NCR3LG1: variants seen among roughly 807,000 people sequenced by gnomAD.
The protein encoded by NCR3LG1 is natural cytotoxicity triggering receptor 3 ligand 1.
In NCR3LG1, 35 loss-of-function variants were observed where a neutral mutation model predicts 34.8. The ratio of observed to expected loss-of-function variants is 1.01; its 90% CI spans 0.77 to 1.33. The LOEUF (loss-of-function observed/expected upper bound fraction) is 1.33. NCR3LG1 is among the 40% of genes most tolerant of loss of function. The pLI, the probability that NCR3LG1 is intolerant of heterozygous loss-of-function variation, is 0.00. For synonymous variants in NCR3LG1, 173 were observed against 163.6 expected (o/e 1.06, Z -0.44); for missense variants, 452 against 423.3 (o/e 1.07, Z -0.60).
Position 17,368,941 on chromosome 11 carries a change from A to T in NCR3LG1, c.835A>T (p.Ile279Phe), listed in dbSNP as rs935169816. The change falls in exon 4 of 5, where the codon ATT becomes TTT. Residue 279 changes from isoleucine to phenylalanine, a missense_variant. Ile to Phe is a conservative substitution (Grantham distance 21). Transcript: ENST00000338965. ...SFIGVGLVLL[I>F]VLIPWKKICN... is the part of the protein sequence containing the mutation. ...CATTGGTGTTGGACTGGTTTTATTA[A>T]TTGTTTTGATTCCTTGGAAAAAGGT... The T allele has an allele frequency of 5.0e-5, 77 of 1,533,252 alleles. No individual in the cohort carries two copies. Among genetic ancestry groups the T allele is most frequent in the Non-Finnish European group, 6.6e-5 (76 of 1,144,726 alleles). The allele number at this position is 1,533,252 out of a possible 1,614,324, so 95.0% of individuals were successfully genotyped here.
At chr11:17,363,521 TCCC>T (rs1285559622) in intron 2 of NCR3LG1, among the ~76,000 whole-genome samples, 2 of 45,544 alleles carry the variant, frequency 4.4e-5, no homozygotes, top group Non-Finnish European at 3.7e-5. Flanking sequence ...CCTCCCTCCC[TCCC>T]TCCCTCCCTC....
intron 3 of NCR3LG1, among the ~76,000 whole-genome samples, chr11:17,368,404 A>G (rs966279868): frequency 7.9e-5 from 12 of 152,076 alleles, no homozygotes; most frequent in Non-Finnish European, 1.5e-4. Flanking sequence ...GCAATGCCAT[A>G]TGGGGCCCAG....
Position 17,367,469 on chromosome 11 carries a change from G to T in NCR3LG1, c.760+122G>T, listed in dbSNP as rs11024270. The T allele has an allele frequency of 2.1e-3, 1,767 of 858,280 alleles. 21 individuals are homozygous for T. In the African/African-American group the frequency reaches 0.027, roughly 13 times the overall value. The allele number at this position is 858,280 out of a possible 1,614,324, so 53.2% of individuals were successfully genotyped here. A position where few individuals can be genotyped will look rare whatever the true frequency, so the allele number is the denominator to read the frequency against. ...AGGGGAAACAGAGAAAGCTTGGACT[G>T]GAAGGACCAAGCTGGAGTCTGGCCT... On this transcript the variant is annotated intron_variant, in intron 3 of 4. Coordinates refer to ENST00000338965, the MANE Select transcript of NCR3LG1 (RefSeq NM_001202439.3).
In NCR3LG1 at chr11:17,372,454, C is replaced by T. The variant is rs759858609; in HGVS notation, c.1307C>T (p.Thr436Ile). Residue 436 changes from threonine to isoleucine, a missense_variant, in exon 5 of 5, where the codon ACA becomes ATA. Physicochemically the swap from Thr to Ile is moderately conservative, Grantham distance 89. Coordinates refer to ENST00000338965, the MANE Select transcript of NCR3LG1 (RefSeq NM_001202439.3). The part of the protein sequence containing the change: ...SPIWEPPPAT[T>I]STTPVLSSQP... The stretch of plus-strand genomic sequence containing the variant: ...ATCTGGGAACCTCCTCCAGCCACAA[C>T]ATCAACAACTCCAGTTCTATCCTCC... 1 of 703,432 alleles carries T rather than the reference C, an allele frequency of 1.4e-6. No individual in the cohort carries two copies. Among genetic ancestry groups the T allele is most frequent in the South Asian group, 1.5e-5 (1 of 67,582 alleles). 43.6% of individuals were successfully genotyped at this position (703,432 alleles called of 1,614,324 possible).
In NCR3LG1 at chr11:17,376,206, C is replaced by A. The variant is rs994261983; in HGVS notation, c.*3694C>A. On this transcript the variant is annotated 3_prime_UTR_variant, in exon 5 of 5. Coordinates refer to ENST00000338965, the MANE Select transcript of NCR3LG1 (RefSeq NM_001202439.3). Reference sequence around the variant, plus strand: ...GCCCAAAATAAATGGCATTCAATGTCTTTTGGTGTGGGTGCATACCTTCAT... The same window carrying A: ...GCCCAAAATAAATGGCATTCAATGTATTTTGGTGTGGGTGCATACCTTCAT... 1 of 152,214 alleles carries A rather than the reference C, an allele frequency of 6.6e-6. No homozygotes were observed. Among genetic ancestry groups the A allele is most frequent in the African/African-American group, 2.4e-5 (1 of 41,462 alleles). 9.4% of individuals were successfully genotyped at this position (152,214 alleles called of 1,614,324 possible). A position where few individuals can be genotyped will look rare whatever the true frequency, so the allele number is the denominator to read the frequency against.
At position 17,351,826 on chromosome 11, in the gene NCR3LG1, T is replaced by G; in HGVS notation, c.-144T>G. On this transcript the variant is annotated 5_prime_UTR_variant, in exon 1 of 5. Coordinates refer to ENST00000338965, the MANE Select transcript of NCR3LG1 (RefSeq NM_001202439.3). ...CAGTTGCCGAAGGGATCTGAAGAAG[T>G]GGGATGTGCAAAAGCGCCGGCTGGA... The G allele has an allele frequency of 3.1e-6, 2 of 639,444 alleles. No individual in the cohort carries two copies. Among genetic ancestry groups the G allele is most frequent in the South Asian group, 3.5e-5 (2 of 57,916 alleles). 39.6% of individuals were successfully genotyped at this position (639,444 alleles called of 1,614,324 possible).
chr11:17,353,645 G>A (rs1953168140), intron 1 of NCR3LG1, among the ~76,000 whole-genome samples: 1 of 152,248 alleles, frequency 6.6e-6, no homozygotes, highest in African/African-American at 2.4e-5. Context: ...TGGTGGAGAA[G>A]GGCCGCGAGT....
intron 1 of NCR3LG1, 25 bp downstream of exon 1, chr11:17,352,064 G>A: frequency 1.4e-6 from 2 of 1,449,808 alleles, no homozygotes; most frequent in Non-Finnish European, 1.8e-6. Flanking sequence ...GGGTGGGCTG[G>A]GGCGGGGGCT....
rs1953449350 is a variant in NCR3LG1, at chr11:17,374,286, C to T, written c.*1774C>T. On this transcript the variant is annotated 3_prime_UTR_variant, in exon 5 of 5. Transcript: ENST00000338965. Reference sequence around the variant, plus strand: ...TTCTGTATACCTTTATACCCTGACTCCCAATACTTGTTTACCTTTGAAGAC... The same window carrying T: ...TTCTGTATACCTTTATACCCTGACTTCCAATACTTGTTTACCTTTGAAGAC... 1 of 152,192 alleles carries T rather than the reference C, an allele frequency of 6.6e-6. No homozygotes were observed. The highest frequency in any genetic ancestry group is 1.5e-5 in the Non-Finnish European group (1 of 68,042). 9.4% of individuals were successfully genotyped at this position (152,192 alleles called of 1,614,324 possible). A position where few individuals can be genotyped will look rare whatever the true frequency, so the allele number is the denominator to read the frequency against.
chr11:17,354,559 T>C (rs1430646544), intron 1 of NCR3LG1, among the ~76,000 whole-genome samples: 8 of 147,448 alleles, frequency 5.4e-5, no homozygotes, highest in Non-Finnish European at 9.0e-5. Flanking sequence ...TTTTTTTTTT[T>C]TTTTTTTTTT....
chr11:17,359,552 C>T (rs1953247770), intron 2 of NCR3LG1, among the ~76,000 whole-genome samples: 2 of 147,444 alleles, frequency 1.4e-5, no homozygotes, highest in Admixed American at 1.4e-4. Flanking sequence ...TGCTCTGTTG[C>T]CCAGGCCGGA....
At position 17,371,463 on chromosome 11, in the gene NCR3LG1, A is replaced by G. The variant is rs546690485; in HGVS notation, c.859-543A>G. ...CAGGAAGAAGCTACCCTGGGAAGACATATTTTAGCCTCAGTGTTATCCCCA... is the reference window on the plus strand; with the variant it reads ...CAGGAAGAAGCTACCCTGGGAAGACGTATTTTAGCCTCAGTGTTATCCCCA... On this transcript the variant is annotated intron_variant, in intron 4 of 4. Transcript: ENST00000338965. Among the ~76,000 whole-genome samples, 13 of 152,296 alleles carry G rather than the reference A, an allele frequency of 8.5e-5. No individual in the cohort carries two copies. The South Asian group carries it at 2.5e-3, about 29-fold the overall frequency.
intron 3 of NCR3LG1, among the ~76,000 whole-genome samples, chr11:17,367,821 CT>C (rs59039794): frequency 1.8e-3 from 257 of 139,912 alleles, no homozygotes; most frequent in Admixed American, 1.4e-3. Context: ...GTAGTCTTGT[CT>C]TTTTTTTTTT....
rs1219762005 is a variant in NCR3LG1, at chr11:17,375,999, A to G, written c.*3487A>G. On this transcript the variant is annotated 3_prime_UTR_variant, in exon 5 of 5. Coordinates refer to ENST00000338965, the MANE Select transcript of NCR3LG1 (RefSeq NM_001202439.3). Reference sequence around the variant, plus strand: ...CTGAGCCTTTCACTTAGGAAAGCATAAGACATCAGTGCATCCAAAGATTGT... The same window carrying G: ...CTGAGCCTTTCACTTAGGAAAGCATGAGACATCAGTGCATCCAAAGATTGT... The G allele has an allele frequency of 6.6e-6, 1 of 152,232 alleles. No homozygotes were observed. Among genetic ancestry groups the G allele is most frequent in the East Asian group, 1.9e-4 (1 of 5,206 alleles). The allele number at this position is 152,232 out of a possible 1,614,324, so 9.4% of individuals were successfully genotyped here. A position where few individuals can be genotyped will look rare whatever the true frequency, so the allele number is the denominator to read the frequency against.
At chr11:17,359,995 C>T (rs1953252861) in intron 2 of NCR3LG1, among the ~76,000 whole-genome samples, 1 of 151,884 alleles carries the variant, frequency 6.6e-6, no homozygotes, top group African/African-American at 2.4e-5. Context: ...AGCTCACTTC[C>T]CAGGCTCAGG....
At chr11:17,377,377 A>G (rs375490002), downstream of NCR3LG1, 7 of 151,160 alleles carry the variant, frequency 4.6e-5, no homozygotes, top group African/African-American at 1.7e-4. Flanking sequence ...AGTCCCAGCT[A>G]CTCGGGAGGC....
intron 2 of NCR3LG1, among the ~76,000 whole-genome samples, chr11:17,361,904 C>G (rs1295945268): frequency 6.6e-6 from 1 of 152,186 alleles, no homozygotes; most frequent in Admixed American, 6.5e-5. Context: ...CTTGGCCTCC[C>G]AAAGTGCTGG....
chr11:17,374,410 C>G lies in NCR3LG1; in HGVS notation c.*1898C>G, dbSNP rs577594947. The G allele has an allele frequency of 1.3e-5, 2 of 152,268 alleles. No individual in the cohort carries two copies. The highest frequency in any genetic ancestry group is 2.9e-5 in the Non-Finnish European group (2 of 68,020). The allele number at this position is 152,268 out of a possible 1,614,324, so 9.4% of individuals were successfully genotyped here. A position where few individuals can be genotyped will look rare whatever the true frequency, so the allele number is the denominator to read the frequency against. On this transcript the variant is annotated 3_prime_UTR_variant, in exon 5 of 5. Coordinates refer to ENST00000338965, the MANE Select transcript of NCR3LG1 (RefSeq NM_001202439.3). ...GGCAAGTATTGTCAAGAGATCTCTTCGAATTCTTCCATTCTCAGGTTAAAG... is the reference window on the plus strand; with the variant it reads ...GGCAAGTATTGTCAAGAGATCTCTTGGAATTCTTCCATTCTCAGGTTAAAG...
chr11:17,372,564 G>C lies in NCR3LG1; in HGVS notation c.*52G>C, dbSNP rs1444387026. 3.2e-5 allele frequency: 20 copies of C among 625,860 alleles called. No homozygotes were observed. In the East Asian group the frequency reaches 5.4e-4, roughly 17 times the overall value. The allele number at this position is 625,860 out of a possible 1,614,324, so 38.8% of individuals were successfully genotyped here. A position where few individuals can be genotyped will look rare whatever the true frequency, so the allele number is the denominator to read the frequency against. On this transcript the variant is annotated 3_prime_UTR_variant, in exon 5 of 5. Transcript: ENST00000338965. ...GGTCCAAGTTCCCTTTTCATTACAG[G>C]ACCTTGGGCAAATAAGAGGGGACCT... is the stretch of plus-strand genomic sequence containing the variant.
Sources: gnomAD v4.1 joint callset for allele counts (sites outside exome capture counted in the v4.1 genomes callset) on GRCh38, gnomAD v4.1.1 for gene constraint, MANE v1.5 for transcripts, NCBI Gene and HGNC (gene_info 2026-07-23, HGNC 2026-07-21) for gene names.